The following TNFSF4 variants were observed in gnomAD, a reference collection of about 807,000 sequenced individuals.
TNFSF4 encodes the protein TNF superfamily member 4, also known as tumor necrosis factor ligand superfamily member 4.
Under a neutral mutation model 7.3 loss-of-function variants are expected in TNFSF4, and 4 were observed. The observed-to-expected ratio is 0.55, with a 90% confidence interval of 0.27 to 1.25. TNFSF4 has a LOEUF of 1.25. TNFSF4 is among the 50% of genes most tolerant of loss of function. The pLI is 0.12. For synonymous variants in TNFSF4, 76 were observed against 83.7 expected (o/e 0.91, Z 0.50); for missense variants, 181 against 208.8 (o/e 0.87, Z 0.82).
At chr1:173,323,956 G>C in the TNFSF4 span, among the ~76,000 whole-genome samples, 1 of 152,176 alleles carries the variant, frequency 6.6e-6, no homozygotes, top group Non-Finnish European at 1.5e-5. Context: ...TTGTCCACAA[G>C]AACTTCCCCA....
chr1:173,332,857 T>A, the TNFSF4 span, among the ~76,000 whole-genome samples: 1 of 152,068 alleles, frequency 6.6e-6, no homozygotes, highest in South Asian at 2.1e-4. Context: ...AAAAAATAAA[T>A]AAATACATAA....
the TNFSF4 span, among the ~76,000 whole-genome samples, chr1:173,332,345 TCA>T: frequency 6.6e-6 from 1 of 152,212 alleles, no homozygotes; most frequent in Admixed American, 6.5e-5. Context: ...TTACTAACAC[TCA>T]CTTTCCCTAG....
the TNFSF4 span, among the ~76,000 whole-genome samples, chr1:173,312,996 C>A: frequency 6.6e-6 from 1 of 152,140 alleles, no homozygotes; most frequent in Non-Finnish European, 1.5e-5. Context: ...GGGACAGATG[C>A]ACAGCCCTGA....
chr1:173,327,546 T>G, the TNFSF4 span, among the ~76,000 whole-genome samples: 2 of 151,164 alleles, frequency 1.3e-5, no homozygotes, highest in Non-Finnish European at 3.0e-5. Context: ...CAAAAGAAAC[T>G]ACCATCAGAG....
the TNFSF4 span, among the ~76,000 whole-genome samples, chr1:173,235,600 A>G: frequency 6.6e-6 from 1 of 152,234 alleles, no homozygotes; most frequent in African/African-American, 2.4e-5. Flanking sequence ...CATACTACGC[A>G]TGTGTTAAGG....
chr1:173,430,489 CAA>C, the TNFSF4 span, among the ~76,000 whole-genome samples: 1 of 152,154 alleles, frequency 6.6e-6, no homozygotes, highest in Admixed American at 6.5e-5. Flanking sequence ...ATGCTTATAG[CAA>C]AGTCAAGGGA....
chr1:173,183,481 T>A (rs1649096189), downstream of TNFSF4, among the ~76,000 whole-genome samples: 1 of 152,166 alleles, frequency 6.6e-6, no homozygotes, highest in Non-Finnish European at 1.5e-5. Context: ...AAACAGTACA[T>A]GGTAGAACTC....
the TNFSF4 span, among the ~76,000 whole-genome samples, chr1:173,439,869 A>C: frequency 6.6e-5 from 10 of 152,236 alleles, no homozygotes; most frequent in Non-Finnish European, 1.2e-4. Context: ...TTGCTGCCAA[A>C]AGATCTAACA....
the TNFSF4 span, among the ~76,000 whole-genome samples, chr1:173,173,216 A>G: frequency 3.4e-4 from 52 of 152,278 alleles, no homozygotes; most frequent in Middle Eastern, 3.4e-3. Flanking sequence ...GGTCCCTCCC[A>G]AATCTCCTGT....
At chr1:173,301,147 T>C in the TNFSF4 span, among the ~76,000 whole-genome samples, 2 of 152,064 alleles carry the variant, frequency 1.3e-5, no homozygotes, top group South Asian at 4.1e-4. Flanking sequence ...TATGATCTAA[T>C]TGTAACACAT....
chr1:173,322,183 G>A, the TNFSF4 span, among the ~76,000 whole-genome samples: 1 of 152,170 alleles, frequency 6.6e-6, no homozygotes, highest in Non-Finnish European at 1.5e-5. Context: ...GATGAAGCTG[G>A]AAGCCATCAT....
At chr1:173,292,812 C>A in the TNFSF4 span, among the ~76,000 whole-genome samples, 1 of 152,156 alleles carries the variant, frequency 6.6e-6, no homozygotes, top group South Asian at 2.1e-4. Flanking sequence ...GATATAAAAT[C>A]AATGTACAAA....
chr1:173,292,948 C>G, the TNFSF4 span, among the ~76,000 whole-genome samples: 1 of 151,970 alleles, frequency 6.6e-6, no homozygotes, highest in Non-Finnish European at 1.5e-5. Context: ...AGTGAAAGCT[C>G]TCTATAATGA....
chr1:173,450,685 C>A, the TNFSF4 span, among the ~76,000 whole-genome samples: 9 of 129,476 alleles, frequency 7.0e-5, no homozygotes, highest in Non-Finnish European at 1.3e-4. Context: ...ACATGAATAT[C>A]TTATTGGATG....
chr1:173,445,811 T>A, the TNFSF4 span, among the ~76,000 whole-genome samples: 2 of 152,180 alleles, frequency 1.3e-5, no homozygotes, highest in Non-Finnish European at 2.9e-5. Flanking sequence ...CCTAACTCTG[T>A]GTATGACCTA....
the TNFSF4 span, among the ~76,000 whole-genome samples, chr1:173,304,569 A>G: frequency 6.6e-6 from 1 of 152,002 alleles, no homozygotes; most frequent in African/African-American, 2.4e-5. Flanking sequence ...TAGAAGCACA[A>G]CTACAAACTC....
At chr1:173,424,185 T>C in the TNFSF4 span, among the ~76,000 whole-genome samples, 10 of 152,206 alleles carry the variant, frequency 6.6e-5, no homozygotes, top group African/African-American at 2.4e-4. Context: ...GGGGAACACA[T>C]TCAGACCACA....
the TNFSF4 span, among the ~76,000 whole-genome samples, chr1:173,220,405 G>T: frequency 6.6e-6 from 1 of 152,124 alleles, no homozygotes; most frequent in Non-Finnish European, 1.5e-5. Context: ...TATTTATTCA[G>T]TTCCTCCTAA....
chr1:173,239,336 A>G, the TNFSF4 span, among the ~76,000 whole-genome samples: 1 of 151,732 alleles, frequency 6.6e-6, no homozygotes, highest in African/African-American at 2.4e-5. Flanking sequence ...GTTAAGAAAA[A>G]CTCCCTCTAT....
Sources: allele counts gnomAD v4.1 joint callset (sites outside exome capture counted in the v4.1 genomes callset), GRCh38; gene constraint gnomAD v4.1.1; transcripts MANE v1.5; gene names NCBI Gene and HGNC (gene_info 2026-07-23, HGNC 2026-07-21).